Variants in LRP2 observed in about 807,000 individuals in gnomAD.
LRP2 encodes LDL receptor related protein 2.
Under a neutral mutation model 531.0 loss-of-function variants are expected in LRP2, and 172 were observed. That is an observed-to-expected ratio of 0.32 (90% confidence interval 0.29 to 0.37). The LOEUF is 0.37. LRP2 is among the 10% of genes least tolerant of loss of function. The pLI, the probability that LRP2 is intolerant of heterozygous loss-of-function variation, is 1.00. For missense variants in LRP2, 5,167 were observed against 5,868.3 expected (o/e 0.88, Z 3.90); for synonymous variants, 1,992 against 2,027.6 (o/e 0.98, Z 0.47).
intron 3 of LRP2, among the ~76,000 whole-genome samples, chr2:169,318,031 C>T (rs1458438990): frequency 6.6e-6 from 1 of 151,986 alleles, no homozygotes; most frequent in African/African-American, 2.4e-5. Flanking sequence ...GAGCTGTGAT[C>T]GCACCACTGC....
At chr2:169,310,501 G>A (rs1234107970) in intron 3 of LRP2, among the ~76,000 whole-genome samples, 9 of 152,078 alleles carry the variant, frequency 5.9e-5, no homozygotes, top group Non-Finnish European at 8.8e-5. Context: ...GATGGATTAC[G>A]CTTATTGATT....
intron 2 of LRP2, 45 bp from the exon 3 acceptor site, chr2:169,318,929 C>A: frequency 1.2e-6 from 2 of 1,612,326 alleles, no homozygotes; most frequent in African/African-American, 2.7e-5. Flanking sequence ...TCATCCTCCC[C>A]ATTATACTAG....
At chr2:169,231,463 G>C (rs1009604010) in intron 31 of LRP2, among the ~76,000 whole-genome samples, 10 of 152,098 alleles carry the variant, frequency 6.6e-5, no homozygotes, top group Non-Finnish European at 1.0e-4. Flanking sequence ...ACTGTACCCA[G>C]GTGAGAGAAA....
At chr2:169,352,423 T>G (rs1236694674) in intron 1 of LRP2, among the ~76,000 whole-genome samples, 1 of 152,140 alleles carries the variant, frequency 6.6e-6, no homozygotes, top group Non-Finnish European at 1.5e-5. Flanking sequence ...AGAAAGAGAT[T>G]TAACAGAGTA....
intron 70 of LRP2, 143 bp downstream of exon 70, chr2:169,145,603 CA>C (rs1230920214): frequency 1.0e-5 from 8 of 779,166 alleles, no homozygotes; most frequent in Non-Finnish European, 6.4e-6. Context: ...TCTCCCCCAG[CA>C]AACGTACATA....
rs1435790148 is a variant in LRP2 at position 169,202,787 on chromosome 2, C to T, written c.8178G>A (p.Gly2726=). Residue 2726 remains glycine, a synonymous_variant, in exon 43 of 79, where the codon GGG becomes GGA. Coordinates refer to ENST00000649046, the MANE Select transcript of LRP2 (RefSeq NM_004525.3). The stretch of plus-strand genomic sequence containing the variant: ...CACTTTCCATCTCATCACTGCCATC[C>T]CCACAGTCGTTGTCATTATCACACT... ...EWKCDNDNDC[G]DGSDEMESVC... The T allele has an allele frequency of 6.2e-7, 1 of 1,614,064 alleles. No homozygotes were observed. Among genetic ancestry groups the T allele is most frequent in the African/African-American group, 1.3e-5 (1 of 74,924 alleles).
chr2:169,147,861 G>A (rs1273242182), intron 68 of LRP2, among the ~76,000 whole-genome samples: 4 of 152,022 alleles, frequency 2.6e-5, no homozygotes, highest in East Asian at 3.9e-4. Context: ...CCTACCCAGT[G>A]TAATCCGCTC....
At chr2:169,361,855 T>G (rs1302731126) in intron 1 of LRP2, among the ~76,000 whole-genome samples, 1 of 151,820 alleles carries the variant, frequency 6.6e-6, no homozygotes, top group Non-Finnish European at 1.5e-5. Flanking sequence ...GTGGGAGGAG[T>G]GCTCTGGCCC....
intron 71 of LRP2, among the ~76,000 whole-genome samples, 171 bp from the exon 72 acceptor site, chr2:169,140,716 G>C (rs1685691082): frequency 6.6e-6 from 1 of 152,170 alleles, no homozygotes; most frequent in African/African-American, 2.4e-5. Flanking sequence ...AGGTCTTGGA[G>C]AGTAACATAC....
chr2:169,141,260 A>C (rs957021783), intron 71 of LRP2, among the ~76,000 whole-genome samples: 1 of 152,216 alleles, frequency 6.6e-6, no homozygotes, highest in African/African-American at 2.4e-5. Context: ...TCACTGTATC[A>C]GACAGGTCTT....
intron 29 of LRP2, among the ~76,000 whole-genome samples, chr2:169,235,174 A>C (rs1359493978): frequency 6.6e-6 from 1 of 151,842 alleles, no homozygotes; most frequent in Non-Finnish European, 1.5e-5. Context: ...AGCCTCCCAA[A>C]GTGCTAGGAT....
intron 38 of LRP2, among the ~76,000 whole-genome samples, chr2:169,207,789 G>A (rs986214245): frequency 2.6e-5 from 4 of 152,148 alleles, no homozygotes; most frequent in Non-Finnish European, 5.9e-5. Context: ...TTCTAAAAGT[G>A]ACCAAAAGTC....
intron 12 of LRP2, 137 bp from the exon 13 acceptor site, chr2:169,278,088 T>C: frequency 1.4e-6 from 1 of 718,808 alleles, no homozygotes; most frequent in South Asian, 1.8e-5. Context: ...AACAGGGAAA[T>C]TAAGTTGTTT....
At chr2:169,239,856 A>G (rs1689741213) in intron 25 of LRP2, 81 bp from the exon 26 acceptor site, 2 of 1,168,142 alleles carry the variant, frequency 1.7e-6, no homozygotes, top group African/African-American at 1.5e-5. Context: ...AATATTTATT[A>G]TGCAGTCTCA....
chr2:169,240,396 A>G (rs190643702), intron 25 of LRP2, among the ~76,000 whole-genome samples: 1 of 152,378 alleles, frequency 6.6e-6, no homozygotes, highest in East Asian at 1.9e-4. Flanking sequence ...AAGAGTCATA[A>G]CACAGAACAT....
Position 169,155,325 on chromosome 2 carries a change from C to T in LRP2, c.12152-722G>A, listed in dbSNP as rs544969889. ...ATATTCCAATTTGTTTCAGTCATGT[C>T]CTTAGTTAAAGGATTTAAACATTTA... On this transcript the variant is annotated intron_variant, in intron 65 of 78. Coordinates refer to ENST00000649046, the MANE Select transcript of LRP2 (RefSeq NM_004525.3). Among the ~76,000 whole-genome samples the T allele has an allele frequency of 1.4e-3, 217 of 152,200 alleles. 2 individuals carry two copies. The highest frequency in any genetic ancestry group is 5.0e-3 in the African/African-American group (206 of 41,534).
At chr2:169,154,882 C>T (rs2105359416) in intron 65 of LRP2, among the ~76,000 whole-genome samples, 1 of 152,292 alleles carries the variant, frequency 6.6e-6, no homozygotes, top group East Asian at 1.9e-4. Context: ...CAAAGCTAGA[C>T]TGAGAACCCT....
At chr2:169,261,569 A>G (rs1260865053) in intron 16 of LRP2, among the ~76,000 whole-genome samples, 1 of 151,800 alleles carries the variant, frequency 6.6e-6, no homozygotes, top group Non-Finnish European at 1.5e-5. Flanking sequence ...CAAAGCATAC[A>G]GAGTTTAACC....
chr2:169,261,528 A>C (rs1690552401), intron 16 of LRP2, among the ~76,000 whole-genome samples: 1 of 151,888 alleles, frequency 6.6e-6, no homozygotes, highest in Admixed American at 6.6e-5. Context: ...ATTCAAAAAA[A>C]AAAAAAAGAA....
Sources: allele counts gnomAD v4.1 joint callset (sites outside exome capture counted in the v4.1 genomes callset), GRCh38; gene constraint gnomAD v4.1.1; transcripts MANE v1.5; gene names NCBI Gene and HGNC (gene_info 2026-07-23, HGNC 2026-07-21).